Variants in C2 observed in about 807,000 individuals in gnomAD.
C2 encodes C3/C5 convertase.
A neutral mutation model predicts 85.2 loss-of-function variants in C2; 64 were observed. That is an observed-to-expected ratio of 0.75 (90% CI 0.61 to 0.92). The LOEUF (loss-of-function observed/expected upper bound fraction) is 0.92. Among genes scored for constraint, C2 ranks in the 40% least tolerant of loss-of-function variants. The pLI is 0.00. For missense variants in C2, 820 were observed against 971.6 expected (o/e 0.84, Z 2.07); for synonymous variants, 311 against 370.8 (o/e 0.84, Z 1.85).
Position 31,943,138 on chromosome 6 carries a change from T to C in C2, c.1360+39T>C, listed in dbSNP as rs1771026005. The C allele has an allele frequency of 6.2e-7, 1 of 1,612,682 alleles. No homozygotes were observed. The highest frequency in any genetic ancestry group is 8.5e-7 in the Non-Finnish European group (1 of 1,179,864). ...GCCCTCCTTGGTGTGGGGAGGATGG[T>C]GAGGAGCCCGCCAGAGGCCCGTGTT... On this transcript the variant is annotated intron_variant, in intron 10 of 17. Coordinates refer to ENST00000299367, the MANE Select transcript of C2 (RefSeq NM_000063.6). The surrounding 1 kb of genome is among the most constrained non-coding windows in gnomAD (Gnocchi z 6.4).
At position 31,943,586 on chromosome 6, in the gene C2, C is replaced by T; in HGVS notation, c.1568-58C>T. Reference sequence around the variant, plus strand: ...GAAGCCACAGATCCTACCACCTCACCCAGCCTCTGGCCCCTGCAGGAGCCC... The same window carrying T: ...GAAGCCACAGATCCTACCACCTCACTCAGCCTCTGGCCCCTGCAGGAGCCC... On this transcript the variant is annotated intron_variant, in intron 12 of 17. Coordinates refer to ENST00000299367, the MANE Select transcript of C2 (RefSeq NM_000063.6). The surrounding 1 kb of genome is among the most constrained non-coding windows in gnomAD (Gnocchi z 6.4). 6.2e-7 allele frequency: 1 copy of T among 1,609,294 alleles called. No individual in the cohort carries two copies. The highest frequency in any genetic ancestry group is 2.2e-5 in the East Asian group (1 of 44,884).
At position 31,921,362 on chromosome 6, in the gene C2, C is replaced by T. The variant is rs1464418136; in HGVS notation, c.-100+1336C>T. On this transcript the variant is annotated intron_variant, in intron 1 of 3. Coordinates refer to the C2 transcript ENST00000413154. The surrounding 1 kb of genome is among the most constrained non-coding windows in gnomAD (Gnocchi z 4.6). Reference sequence around the variant, plus strand: ...CAAGTAGCTAGAAGGTGGGAAATGGCGTGGACAGGTCTTGTAGGAGTCTGG... The same window carrying T: ...CAAGTAGCTAGAAGGTGGGAAATGGTGTGGACAGGTCTTGTAGGAGTCTGG... Among the ~76,000 whole-genome samples the T allele has an allele frequency of 2.0e-5, 3 of 151,470 alleles. No individual in the cohort carries two copies. The highest frequency in any genetic ancestry group is 4.4e-5 in the Non-Finnish European group (3 of 67,922).
chr6:31,919,419 A>G (rs1768807233), upstream of C2, among the ~76,000 whole-genome samples: 1 of 152,212 alleles, frequency 6.6e-6, no homozygotes, highest in Admixed American at 6.5e-5. Flanking sequence ...TGCTGGGATT[A>G]CAGGCGTGAG....
At chr6:31,900,692 A>T (rs1332719741), upstream of C2, 2 of 1,610,632 alleles carry the variant, frequency 1.2e-6, no homozygotes, top group African/African-American at 2.7e-5. This position sits in a 1 kb window ranked among gnomAD's most constrained non-coding sequence, Gnocchi z 9.7. Flanking sequence ...GATGTCAGAC[A>T]CGTCCTCATC....
At chr6:31,914,607 A>G (rs1768368276) in intron 1 of C2, among the ~76,000 whole-genome samples, 1 of 133,018 alleles carries the variant, frequency 7.5e-6, no homozygotes, top group Non-Finnish European at 1.6e-5. Flanking sequence ...AAAAAAGAAG[A>G]CTATAGTTAA....
upstream of C2, among the ~76,000 whole-genome samples, chr6:31,899,133 C>T (rs1369279263): frequency 6.6e-6 from 1 of 151,574 alleles, no homozygotes; most frequent in Non-Finnish European, 1.5e-5. Context: ...ACTAAAACCC[C>T]AAACTCCAGA....
At chr6:31,912,043 T>C (rs1234693117) in intron 1 of C2, among the ~76,000 whole-genome samples, 2 of 151,058 alleles carry the variant, frequency 1.3e-5, no homozygotes, top group Non-Finnish European at 2.9e-5. Flanking sequence ...AGTGCTGGGA[T>C]TACAGGCGTT....
At chr6:31,917,094 C>A (rs1228291400), upstream of C2, among the ~76,000 whole-genome samples, 11 of 149,314 alleles carry the variant, frequency 7.4e-5, no homozygotes, top group Admixed American at 5.4e-4. Context: ...TCGCTTGAAC[C>A]CAGGAGGCGG....
chr6:31,928,640 C>A, intron 2 of C2, 92 bp from the exon 3 acceptor site: 1 of 1,269,188 alleles, frequency 7.9e-7, no homozygotes, highest in South Asian at 1.2e-5. Flanking sequence ...TGACCATTCC[C>A]ATGCATTCCA....
chr6:31,928,063 C>G lies in C2; in HGVS notation c.155C>G (p.Pro52Arg), dbSNP rs772283614. Residue 52 changes from proline to arginine, a missense_variant, in exon 2 of 18, where the codon CCC (proline) becomes CGC (arginine). Coordinates refer to ENST00000299367, the MANE Select transcript of C2 (RefSeq NM_000063.6). Reference sequence around the variant, plus strand: ...GGGAGCCTTCTCACCTACTCCTGCCCCCAGGGCCTGTACCCATCCCCAGCA... The same window carrying G: ...GGGAGCCTTCTCACCTACTCCTGCCGCCAGGGCCTGTACCCATCCCCAGCA... The part of the protein sequence containing the change: ...APGSLLTYSC[P>R]QGLYPSPASR... 1 of 1,614,160 alleles carries G rather than the reference C, an allele frequency of 6.2e-7. No individual in the cohort carries two copies. Among genetic ancestry groups the G allele is most frequent in the South Asian group, 1.1e-5 (1 of 91,082 alleles).
At chr6:31,924,047 G>A (rs1009737302), upstream of C2, among the ~76,000 whole-genome samples, 6 of 151,376 alleles carry the variant, frequency 4.0e-5, no homozygotes, top group East Asian at 1.9e-4. Context: ...TGATCCACCC[G>A]CCTCGGCCTC....
rs751472730 is a variant in C2 at position 31,943,941 on chromosome 6, G to A, written c.1758G>A (p.Met586Ile). The A allele has an allele frequency of 5.0e-6, 8 of 1,612,828 alleles. No individual in the cohort carries two copies. In the Admixed American group the frequency reaches 1.3e-4, roughly 27 times the overall value. The change falls in exon 14 of 18, where the codon ATG becomes ATA. Residue 586 changes from methionine (M) to isoleucine (I), a missense_variant. By Grantham distance (10) the Met-to-Ile change is conservative. Coordinates refer to ENST00000299367, the MANE Select transcript of C2 (RefSeq NM_000063.6). The surrounding 1 kb of genome is among the most constrained non-coding windows in gnomAD (Gnocchi z 6.4). The part of the protein sequence containing the change: ...HARPICLPCT[M>I]EANLALRRPQ... ...GGCCCATCTGCCTTCCCTGCACGAT[G>A]GAGGCCAATCTGGCTCTGCGGAGAC...
At chr6:31,897,860 A>G (rs1020957927), upstream of C2, 7 of 1,050,498 alleles carry the variant, frequency 6.7e-6, no homozygotes, top group Middle Eastern at 7.8e-4. Flanking sequence ...AATTCCTGTC[A>G]TTCCTGGCCT....
chr6:31,907,515 G>T (rs1767787855), intron 1 of C2, among the ~76,000 whole-genome samples: 1 of 147,446 alleles, frequency 6.8e-6, no homozygotes, highest in African/African-American at 2.5e-5. Context: ...CCAGGGAGGA[G>T]AAGGCTGCAG....
Position 31,935,075 on chromosome 6 carries a change from T to C in C2, c.849+776T>C. ...GTGATAGAAGTTTGGAAGCCACTGGTTTAAGTTCCTCGCCAGAACTTTGTT... is the reference window on the plus strand; with the variant it reads ...GTGATAGAAGTTTGGAAGCCACTGGCTTAAGTTCCTCGCCAGAACTTTGTT... On this transcript the variant is annotated intron_variant, in intron 6 of 17. Transcript: ENST00000299367. The surrounding 1 kb of genome is among the most constrained non-coding windows in gnomAD (Gnocchi z 4.3). 2.1e-6 allele frequency: 2 copies of C among 975,532 alleles called. No homozygotes were observed. Among genetic ancestry groups the C allele is most frequent in the Non-Finnish European group, 2.4e-6 (2 of 820,920 alleles). The allele number at this position is 975,532 out of a possible 1,614,324, so 60.4% of individuals were successfully genotyped here. A position where few individuals can be genotyped will look rare whatever the true frequency, so the allele number is the denominator to read the frequency against.
rs555611895 is a variant in C2, at chr6:31,935,748, C to T, written c.850-175C>T. ...GTGTTGGGATTCAGGCATGAGCCACCGCGCCCAGCCCCTAGCTTCTTCCTA... is the reference window on the plus strand; with the variant it reads ...GTGTTGGGATTCAGGCATGAGCCACTGCGCCCAGCCCCTAGCTTCTTCCTA... On this transcript the variant is annotated intron_variant, in intron 6 of 17. Transcript: ENST00000299367. This position sits in a 1 kb window ranked among gnomAD's most constrained non-coding sequence, Gnocchi z 4.3. 7.9e-5 allele frequency among the ~76,000 whole-genome samples: 12 copies of T among 152,186 alleles called. No individual in the cohort carries two copies. The highest frequency in any genetic ancestry group is 5.8e-4 in the East Asian group (3 of 5,176).
upstream of C2, among the ~76,000 whole-genome samples, chr6:31,919,684 A>G (rs1334475180): frequency 1.3e-5 from 2 of 152,174 alleles, no homozygotes; most frequent in African/African-American, 4.8e-5. Context: ...CATCCCATAC[A>G]TACAGTTCTG....
intron 1 of C2, among the ~76,000 whole-genome samples, chr6:31,903,974 T>C (rs888920748): frequency 6.6e-6 from 1 of 151,882 alleles, no homozygotes; most frequent in Non-Finnish European, 1.5e-5. Context: ...TAAAGCCACA[T>C]TCCTAGGAGT....
rs1323855587 is a variant in C2 at position 31,933,798 on chromosome 6, T to A, written c.616+15T>A. 5 of 1,613,692 alleles carry A rather than the reference T, an allele frequency of 3.1e-6. No homozygotes were observed. Among genetic ancestry groups the A allele is most frequent in the Non-Finnish European group, 4.2e-6 (5 of 1,180,022 alleles). On this transcript the variant is annotated intron_variant, in intron 4 of 17. Transcript: ENST00000299367. ...CATCTGCCGCCGTGAGTAGCTGCCC[T>A]GCCCTCCTGAGATTCCTCGGCACAC...
Sources: allele counts gnomAD v4.1 joint callset (sites outside exome capture counted in the v4.1 genomes callset), GRCh38; gene constraint gnomAD v4.1.1; non-coding constraint Gnocchi (gnomAD v3.1); transcripts MANE v1.5; gene names NCBI Gene and HGNC (gene_info 2026-07-23, HGNC 2026-07-21).